The following UBE3C variants were observed in gnomAD, a reference collection of about 807,000 sequenced individuals.
The protein encoded by UBE3C is ubiquitin-protein ligase E3C.
UBE3C carries 42 observed loss-of-function variants against 129.4 expected under a neutral mutation model. The observed-to-expected ratio is 0.32, with a 90% CI of 0.25 to 0.42. The LOEUF (loss-of-function observed/expected upper bound fraction) is 0.42, where lower values mean the gene tolerates loss of function less well. Ranked by LOEUF, UBE3C falls within the 10% of genes least tolerant of loss-of-function variation. The pLI is 1.00. For synonymous variants in UBE3C, 510 were observed against 492.4 expected (o/e 1.04, Z -0.47); for missense variants, 1,049 against 1,319.1 (o/e 0.80, Z 3.17).
At position 157,228,158 on chromosome 7, in the gene UBE3C, G is replaced by T. The variant is rs570286805; in HGVS notation, c.2233+2619G>T. 5.3e-5 allele frequency among the ~76,000 whole-genome samples: 8 copies of T among 152,248 alleles called. No individual in the cohort carries two copies. The South Asian group carries it at 1.5e-3, about 28-fold the overall frequency. Reference sequence around the variant, plus strand: ...TTACGATGCTCGTTGTCTTATCTCCGAACGATTCTCTGCAGTGTGCATGTT... The same window carrying T: ...TTACGATGCTCGTTGTCTTATCTCCTAACGATTCTCTGCAGTGTGCATGTT... On this transcript the variant is annotated intron_variant, in intron 17 of 22. Transcript: ENST00000348165.
At chr7:157,175,136 A>ATTTTTTTTT (rs1808481529) in intron 5 of UBE3C, 102 bp downstream of exon 5, 28 of 372,878 alleles carry the variant, frequency 7.5e-5, no homozygotes, top group Admixed American at 4.2e-4. Flanking sequence ...GCTTTTCCAT[A>ATTTTTTTTT]CTTTTTTTTT....
intron 10 of UBE3C, among the ~76,000 whole-genome samples, chr7:157,199,963 T>C (rs1299759966): frequency 6.6e-6 from 1 of 151,994 alleles, no homozygotes; most frequent in Admixed American, 6.5e-5. Context: ...AGACCCCGTT[T>C]GAGATTCTGC....
At chr7:157,235,921 G>A (rs548678356) in intron 18 of UBE3C, among the ~76,000 whole-genome samples, 2 of 152,296 alleles carry the variant, frequency 1.3e-5, no homozygotes, top group Non-Finnish European at 2.9e-5. Context: ...CTGATAGTGT[G>A]GCACCTGAAC....
At chr7:157,144,791 A>G (rs1052637336) in intron 1 of UBE3C, among the ~76,000 whole-genome samples, 6 of 152,082 alleles carry the variant, frequency 3.9e-5, no homozygotes, top group African/African-American at 1.2e-4. Context: ...ACTTTTCTCT[A>G]TTACTAGCAT....
intron 18 of UBE3C, among the ~76,000 whole-genome samples, chr7:157,247,697 A>G (rs143664388): frequency 1.6e-4 from 25 of 152,278 alleles, no homozygotes; most frequent in African/African-American, 5.3e-4. Flanking sequence ...GTCTCCAAAA[A>G]AAAAAAGAGC....
At chr7:157,221,455 C>T (rs536926151) in intron 15 of UBE3C, 1 of 151,832 alleles carries the variant, frequency 6.6e-6, no homozygotes, top group South Asian at 2.1e-4. Context: ...AAAAAAAATT[C>T]TATGGGCCAG....
intron 19 of UBE3C, among the ~76,000 whole-genome samples, chr7:157,249,613 C>T (rs1054607469): frequency 1.3e-5 from 2 of 152,142 alleles, no homozygotes; most frequent in South Asian, 2.1e-4. Context: ...GTGGCCGGCA[C>T]GACAGAGCCT....
chr7:157,181,534 A>G lies in UBE3C; in HGVS notation c.633A>G (p.Leu211=), dbSNP rs148597222. 67 of 1,610,352 alleles carry G rather than the reference A, an allele frequency of 4.2e-5. No homozygotes were observed. The Middle Eastern group carries it at 8.8e-4, about 21-fold the overall frequency. The change falls in exon 7 of 23, where the codon CTA becomes CTG. Residue 211 remains leucine (L), a synonymous_variant. Transcript: ENST00000348165. The part of the protein sequence containing the change: ...YMIHNGYYRS[L]YLLINSKLPS... ...TCCTTTTAGGGTATTATAGGTCTCTATATTTGTTGATTAACAGCAAGCTTC... is the reference window on the plus strand; with the variant it reads ...TCCTTTTAGGGTATTATAGGTCTCTGTATTTGTTGATTAACAGCAAGCTTC...
chr7:157,198,023 G>A (rs551396735), intron 10 of UBE3C: 9 of 1,603,278 alleles, frequency 5.6e-6, no homozygotes, highest in Admixed American at 1.7e-5. Context: ...AATTCACTTG[G>A]CCACCATGAA....
intron 1 of UBE3C, among the ~76,000 whole-genome samples, chr7:157,157,695 C>A (rs1216336077): frequency 6.6e-6 from 1 of 152,116 alleles, no homozygotes; most frequent in Non-Finnish European, 1.5e-5. Context: ...AACATGGTGG[C>A]TGGGCGTGGT....
chr7:157,266,472 C>T (rs1013123932), intron 22 of UBE3C, among the ~76,000 whole-genome samples: 1 of 152,150 alleles, frequency 6.6e-6, no homozygotes, highest in African/African-American at 2.4e-5. Flanking sequence ...CCTTAATCAT[C>T]GTGGAGATCC....
intron 9 of UBE3C, 104 bp from the exon 10 acceptor site, chr7:157,186,730 G>C (rs1234851205): frequency 2.4e-5 from 32 of 1,348,328 alleles, no homozygotes; most frequent in Non-Finnish European, 3.2e-5. Flanking sequence ...ATGATGCCTA[G>C]CTTTCTTTGC....
chr7:157,262,453 C>T (rs1796944796), intron 22 of UBE3C, among the ~76,000 whole-genome samples: 1 of 99,006 alleles, frequency 1.0e-5, no homozygotes, highest in African/African-American at 3.9e-5. Context: ...GAGTTTCGCT[C>T]CTGTTGCCCA....
At chr7:157,251,922 G>A (rs533630623) in intron 19 of UBE3C, among the ~76,000 whole-genome samples, 73 of 152,202 alleles carry the variant, frequency 4.8e-4, no homozygotes, top group Non-Finnish European at 8.8e-4. Flanking sequence ...ATCATTTGAG[G>A]TCAGGAGTTC....
At chr7:157,226,221 A>G (rs1795874441) in intron 17 of UBE3C, among the ~76,000 whole-genome samples, 1 of 152,208 alleles carries the variant, frequency 6.6e-6, no homozygotes, top group South Asian at 2.1e-4. Flanking sequence ...ACATATTAAA[A>G]TAAGTGCCAT....
chr7:157,171,735 C>G, intron 4 of UBE3C, among the ~76,000 whole-genome samples: 1 of 83,922 alleles, frequency 1.2e-5, no homozygotes, highest in Admixed American at 1.9e-4. Context: ...GAGACAGAGT[C>G]TTGCTCTGTC....
At chr7:157,164,270 T>C (rs571374167) in intron 2 of UBE3C, 2 of 446,258 alleles carry the variant, frequency 4.5e-6, no homozygotes, top group East Asian at 7.0e-5. Context: ...GTGATCTTCC[T>C]GCTCTAGCCT....
chr7:157,246,407 TCA>T (rs1796478242), intron 18 of UBE3C, among the ~76,000 whole-genome samples: 1 of 152,188 alleles, frequency 6.6e-6, no homozygotes, highest in African/African-American at 2.4e-5. Flanking sequence ...TGTTATTAAT[TCA>T]CACAGATCGC....
chr7:157,175,134 A>AAAATTTTTTTT, intron 5 of UBE3C, 100 bp downstream of exon 5: 2 of 448,910 alleles, frequency 4.5e-6, no homozygotes, highest in Non-Finnish European at 6.0e-6. Flanking sequence ...TGGCTTTTCC[A>AAAATTTTTTTT]TACTTTTTTT....
Sources: gnomAD v4.1 joint callset for allele counts (sites outside exome capture counted in the v4.1 genomes callset) on GRCh38, gnomAD v4.1.1 for gene constraint, MANE v1.5 for transcripts, NCBI Gene and HGNC (gene_info 2026-07-23, HGNC 2026-07-21) for gene names.